ENTREP2: variants seen among roughly 807,000 people sequenced by gnomAD.
ENTREP2 encodes endosomal transmembrane epsin interactor 2.
chr15:29,248,385 CT>C, the ENTREP2 span, among the ~76,000 whole-genome samples: 4 of 152,036 alleles, frequency 2.6e-5, no homozygotes, highest in Non-Finnish European at 5.9e-5. Context: ...AAGTTTTCTA[CT>C]TTTCTGACAA....
the ENTREP2 span, among the ~76,000 whole-genome samples, chr15:29,389,602 CTG>C: frequency 1.4e-3 from 217 of 152,362 alleles, 1 homozygote; most frequent in Non-Finnish European, 2.7e-3. Context: ...TTTGGAAACA[CTG>C]TGATGCTCGA....
At chr15:29,635,623 G>A in the ENTREP2 span, among the ~76,000 whole-genome samples, 1 of 152,272 alleles carries the variant, frequency 6.6e-6, no homozygotes, top group East Asian at 1.9e-4. Flanking sequence ...CACACCTAGG[G>A]GGTCCACGGA....
the ENTREP2 span, among the ~76,000 whole-genome samples, chr15:29,614,846 T>C: frequency 6.6e-6 from 1 of 151,956 alleles, no homozygotes; most frequent in South Asian, 2.1e-4. Flanking sequence ...TGCTTGAGCT[T>C]AGATGTTTGA....
chr15:29,318,955 AG>A, the ENTREP2 span, among the ~76,000 whole-genome samples: 2 of 152,210 alleles, frequency 1.3e-5, no homozygotes, highest in Non-Finnish European at 2.9e-5. Context: ...GTTACCAAAG[AG>A]AAGCCAATTT....
the ENTREP2 span, among the ~76,000 whole-genome samples, chr15:29,503,507 C>G: frequency 0.048 from 7,263 of 152,000 alleles, 545 homozygotes; most frequent in African/African-American, 0.16. Context: ...TCCGGAATTA[C>G]GTCATGATGA....
the ENTREP2 span, among the ~76,000 whole-genome samples, chr15:29,259,425 AGT>A: frequency 6.6e-6 from 1 of 152,118 alleles, no homozygotes; most frequent in Non-Finnish European, 1.5e-5. Flanking sequence ...CTCCCCCTAA[AGT>A]ACCTGCCTGA....
the ENTREP2 span, among the ~76,000 whole-genome samples, chr15:29,325,737 C>T: frequency 6.6e-6 from 1 of 152,108 alleles, no homozygotes; most frequent in Non-Finnish European, 1.5e-5. Context: ...GGAACGCTTC[C>T]TAATTTATTC....
At chr15:29,235,779 G>C in the ENTREP2 span, among the ~76,000 whole-genome samples, 1 of 152,060 alleles carries the variant, frequency 6.6e-6, no homozygotes, top group Non-Finnish European at 1.5e-5. Flanking sequence ...GCATGGCCAA[G>C]ATGGTGAAAC....
At chr15:29,600,439 C>CCATCATCATCATCAT in the ENTREP2 span, among the ~76,000 whole-genome samples, 2,059 of 141,784 alleles carry the variant, frequency 0.015, 24 homozygotes, top group Middle Eastern at 0.022. Flanking sequence ...TTCTCTCCCA[C>CCATCATCATCATCAT]CATCATCATC....
At chr15:29,236,222 G>A in the ENTREP2 span, among the ~76,000 whole-genome samples, 2 of 152,080 alleles carry the variant, frequency 1.3e-5, no homozygotes, top group Non-Finnish European at 2.9e-5. Flanking sequence ...GATAATAAAG[G>A]AGTAATATGA....
At chr15:29,174,719 A>G in the ENTREP2 span, among the ~76,000 whole-genome samples, 5 of 151,818 alleles carry the variant, frequency 3.3e-5, no homozygotes, top group South Asian at 2.1e-4. Context: ...ACAAAAAAAA[A>G]AAAGAAAACT....
At chr15:29,251,820 T>G in the ENTREP2 span, among the ~76,000 whole-genome samples, 1 of 151,520 alleles carries the variant, frequency 6.6e-6, no homozygotes, top group Non-Finnish European at 1.5e-5. Flanking sequence ...AGACAATGCT[T>G]CTTCTAACGT....
the ENTREP2 span, among the ~76,000 whole-genome samples, chr15:29,330,791 A>T: frequency 6.6e-6 from 1 of 152,252 alleles, no homozygotes; most frequent in Non-Finnish European, 1.5e-5. Context: ...TAACAAATGC[A>T]CCATAGTAAT....
chr15:29,280,704 C>G, the ENTREP2 span, among the ~76,000 whole-genome samples: 1 of 152,192 alleles, frequency 6.6e-6, no homozygotes, highest in Non-Finnish European at 1.5e-5. Context: ...TCTCAGCTGG[C>G]GTGGCTGCAG....
the ENTREP2 span, among the ~76,000 whole-genome samples, chr15:29,292,305 T>G: frequency 1.3e-5 from 2 of 152,128 alleles, 1 homozygote; most frequent in South Asian, 4.1e-4. Flanking sequence ...CTTCTTTTTC[T>G]CTTTCTTCAG....
chr15:29,543,258 A>C, the ENTREP2 span, among the ~76,000 whole-genome samples: 7 of 152,216 alleles, frequency 4.6e-5, no homozygotes, highest in East Asian at 1.2e-3. Flanking sequence ...CTATGGTGCC[A>C]GTGAACAAAG....
chr15:29,623,075 T>C, the ENTREP2 span, among the ~76,000 whole-genome samples: 1 of 152,220 alleles, frequency 6.6e-6, no homozygotes, highest in Admixed American at 6.5e-5. Context: ...CTTTATACTT[T>C]GTTAAATTAT....
At chr15:29,274,697 G>A in the ENTREP2 span, among the ~76,000 whole-genome samples, 4 of 152,166 alleles carry the variant, frequency 2.6e-5, no homozygotes, top group Admixed American at 2.6e-4. Flanking sequence ...TACTGCAGGG[G>A]AGGCAAAACC....
chr15:29,566,245 G>A, the ENTREP2 span, among the ~76,000 whole-genome samples: 6 of 150,562 alleles, frequency 4.0e-5, no homozygotes, highest in African/African-American at 4.9e-5. Flanking sequence ...TGCAAGCTCC[G>A]CCTCCTGGGT....
Sources: gnomAD v4.1 joint callset for allele counts (sites outside exome capture counted in the v4.1 genomes callset) on GRCh38, gnomAD v4.1.1 for gene constraint, MANE v1.5 for transcripts, NCBI Gene and HGNC (gene_info 2026-07-23, HGNC 2026-07-21) for gene names.